The following TUSC3 variants were observed in gnomAD, a reference collection of about 807,000 sequenced individuals.
TUSC3 encodes the protein tumor suppressor candidate 3, also known as dolichyl-diphosphooligosaccharide--protein glycosyltransferase subunit TUSC3.
In TUSC3, 45 loss-of-function variants were observed where a neutral mutation model predicts 44.8. The observed-to-expected ratio is 1.00, with a 90% CI of 0.79 to 1.29. The LOEUF is 1.29. Ranked by LOEUF, TUSC3 falls within the 50% of genes most tolerant of loss-of-function variation. The pLI is 0.00. For synonymous variants in TUSC3, 212 were observed against 152.9 expected, an observed-to-expected ratio of 1.39 and a Z score of -2.85; for missense variants, 519 against 437.9, an observed-to-expected ratio of 1.19 and a Z score of -1.65.
upstream of TUSC3, among the ~76,000 whole-genome samples, chr8:15,537,335 G>C (rs1214063918): frequency 6.6e-6 from 1 of 152,048 alleles, no homozygotes; most frequent in East Asian, 1.9e-4. Context: ...AAGTCGTCCT[G>C]CCTTTCTGAA....
At chr8:15,786,861 G>T in the TUSC3 span, among the ~76,000 whole-genome samples, 2 of 149,120 alleles carry the variant, frequency 1.3e-5, no homozygotes, top group Admixed American at 6.8e-5. Context: ...GGAAAATGGC[G>T]TGAACCCAGG....
At chr8:15,473,916 A>G (rs900219472) in intron 1 of TUSC3, among the ~76,000 whole-genome samples, 1 of 152,164 alleles carries the variant, frequency 6.6e-6, no homozygotes. Context: ...CAAATTTACC[A>G]GGGCGAGGTT....
chr8:15,772,818 A>G, the TUSC3 span, among the ~76,000 whole-genome samples: 1 of 152,238 alleles, frequency 6.6e-6, no homozygotes, highest in Non-Finnish European at 1.5e-5. Context: ...AGTGGGAATT[A>G]TTCCAGAAAT....
At position 15,730,655 on chromosome 8, in the gene TUSC3, T is replaced by C. The variant is rs753784618; in HGVS notation, c.799-11T>C. On this transcript the variant is annotated splice_polypyrimidine_tract_variant and intron_variant, in intron 6 of 10. Coordinates refer to ENST00000503731, the MANE Select transcript of TUSC3 (RefSeq NM_006765.4). ...TCTCAGACTGTAATTTCTGTTTGTC[T>C]TCTTTTATAGAGCTACATTCATGGG... The C allele has an allele frequency of 5.0e-6, 8 of 1,612,680 alleles. No homozygotes were observed. The South Asian group carries it at 8.8e-5, about 18-fold the overall frequency.
the TUSC3 span, among the ~76,000 whole-genome samples, chr8:15,802,007 C>T: frequency 6.6e-6 from 1 of 152,240 alleles, no homozygotes; most frequent in East Asian, 1.9e-4. Context: ...ACCAGCTGTT[C>T]TTCGAGAAGA....
At chr8:15,642,471 C>G (rs1034305591) in intron 2 of TUSC3, among the ~76,000 whole-genome samples, 9 of 152,188 alleles carry the variant, frequency 5.9e-5, no homozygotes, top group Non-Finnish European at 1.3e-4. Context: ...GACGGCAATA[C>G]TATCAGTTGA....
intron 1 of TUSC3, among the ~76,000 whole-genome samples, chr8:15,422,175 C>T: frequency 6.6e-6 from 1 of 152,238 alleles, no homozygotes; most frequent in South Asian, 2.1e-4. Flanking sequence ...TTTACAGATA[C>T]TATGGTTTTT....
chr8:15,695,662 C>T (rs1377676175), intron 6 of TUSC3, among the ~76,000 whole-genome samples: 2 of 152,082 alleles, frequency 1.3e-5, no homozygotes, highest in East Asian at 1.9e-4. Context: ...TTTGTAACTC[C>T]CTAGAGACTT....
chr8:15,432,684 A>G (rs905443126), intron 1 of TUSC3, among the ~76,000 whole-genome samples: 4 of 152,126 alleles, frequency 2.6e-5, no homozygotes, highest in Non-Finnish European at 4.4e-5. Context: ...TTATGTCTCA[A>G]TCTTTTAATG....
the TUSC3 span, among the ~76,000 whole-genome samples, chr8:15,847,684 ACT>A: frequency 6.6e-6 from 1 of 152,058 alleles, no homozygotes. Flanking sequence ...TTTTTTAACT[ACT>A]CTGAGTTCAT....
chr8:15,830,676 C>T, the TUSC3 span, among the ~76,000 whole-genome samples: 1 of 152,094 alleles, frequency 6.6e-6, no homozygotes, highest in East Asian at 1.9e-4. Context: ...TTAAATACTG[C>T]ATACTCTAAC....
chr8:15,490,351 C>T (rs1018659603), intron 2 of TUSC3, among the ~76,000 whole-genome samples: 1 of 152,158 alleles, frequency 6.6e-6, no homozygotes, highest in East Asian at 1.9e-4. Flanking sequence ...TTCATGACTT[C>T]TATCAGAGTT....
chr8:15,576,004 T>C (rs1052366800), intron 1 of TUSC3, among the ~76,000 whole-genome samples: 7 of 152,056 alleles, frequency 4.6e-5, no homozygotes, highest in African/African-American at 1.7e-4. Context: ...GTTTCACATT[T>C]TGAAACTGAT....
In TUSC3 at chr8:15,651,201, C is replaced by A. The variant is rs1806888587; in HGVS notation, c.426+387C>A. On this transcript the variant is annotated intron_variant, in intron 3 of 10. Coordinates refer to ENST00000503731, the MANE Select transcript of TUSC3 (RefSeq NM_006765.4). ...AATGTGTTTTTTCAGCATGCAGTCG[C>A]AGTTTACATGCATTGGTCTTATTCT... Among the ~76,000 whole-genome samples the A allele has an allele frequency of 3.3e-5, 5 of 152,138 alleles. No homozygotes were observed. In the South Asian group the frequency reaches 1.0e-3, roughly 31 times the overall value.
intron 2 of TUSC3, among the ~76,000 whole-genome samples, chr8:15,506,695 G>T (rs1241430927): frequency 1.3e-5 from 2 of 152,126 alleles, no homozygotes; most frequent in African/African-American, 4.8e-5. Flanking sequence ...ACTATCACGA[G>T]AACAGCGCAG....
At chr8:15,719,517 CACACACA>C (rs1563188925) in intron 6 of TUSC3, among the ~76,000 whole-genome samples, 12 of 5,746 alleles carry the variant, frequency 2.1e-3, no homozygotes, top group Non-Finnish European at 4.9e-3. Context: ...ACACACACAC[CACACACA>C]CACACACACA....
chr8:15,613,850 C>G (rs1804869468), intron 1 of TUSC3, among the ~76,000 whole-genome samples: 1 of 152,218 alleles, frequency 6.6e-6, no homozygotes, highest in East Asian at 1.9e-4. Context: ...GAATAGGGAG[C>G]TGAGATTCAT....
intron 2 of TUSC3, among the ~76,000 whole-genome samples, chr8:15,646,052 A>G (rs188410627): frequency 6.2e-4 from 95 of 152,264 alleles, no homozygotes; most frequent in African/African-American, 2.2e-3. Context: ...TGGACAATCA[A>G]TATGTAATAA....
chr8:15,482,030 T>C (rs1188670122), intron 1 of TUSC3, among the ~76,000 whole-genome samples: 1 of 152,244 alleles, frequency 6.6e-6, no homozygotes, highest in Non-Finnish European at 1.5e-5. Flanking sequence ...TAAGTTTATG[T>C]ATACTTGAAA....
Sources: allele counts gnomAD v4.1 joint callset (sites outside exome capture counted in the v4.1 genomes callset), GRCh38; gene constraint gnomAD v4.1.1; transcripts MANE v1.5; gene names NCBI Gene and HGNC (gene_info 2026-07-23, HGNC 2026-07-21).